DGKH: variants seen among roughly 807,000 people sequenced by gnomAD.
DGKH encodes diacylglycerol kinase eta, also known as DAG kinase eta.
Under a neutral mutation model 159.3 loss-of-function variants are expected in DGKH, and 90 were observed. That is an observed-to-expected ratio of 0.57 (90% CI 0.48 to 0.67). The LOEUF is 0.67. Ranked by LOEUF, DGKH falls within the 30% of genes least tolerant of loss-of-function variation. DGKH has a pLI of 0.00. For missense variants in DGKH, 1,181 were observed against 1,506.1 expected, an observed-to-expected ratio of 0.78 and a Z score of 3.57; for synonymous variants, 536 against 553.8, an observed-to-expected ratio of 0.97 and a Z score of 0.45.
At chr13:42,169,889 A>G (rs1171777146) in intron 11 of DGKH, among the ~76,000 whole-genome samples, 1 of 152,180 alleles carries the variant, frequency 6.6e-6, no homozygotes, top group Non-Finnish European at 1.5e-5. Flanking sequence ...TCCATCCTTT[A>G]AAATAATCTG....
Position 42,210,668 on chromosome 13 carries a change from C to T in DGKH, c.2917C>T (p.Arg973Ter), listed in dbSNP as rs754950448. ...QKCDSGKPVLRTHLYIHHAID... is the reference protein window; with the variant it reads ...QKCDSGKPVL ...GTGTGATTCTGGTAAACCAGTTCTC[C>T]GAACCCATTTGTACATCCATCACGC... The change falls in exon 24 of 30, where the codon CGA becomes TGA. Residue 973 changes from arginine to a stop codon, truncating the protein, a stop_gained. Coordinates refer to ENST00000337343, the MANE Select transcript of DGKH (RefSeq NM_178009.5). LOFTEE classifies it high-confidence loss of function. The T allele has an allele frequency of 7.4e-6, 12 of 1,611,980 alleles. No homozygotes were observed. Among genetic ancestry groups the T allele is most frequent in the Non-Finnish European group, 7.6e-6 (9 of 1,179,954 alleles).
intron 13 of DGKH, among the ~76,000 whole-genome samples, chr13:42,184,788 GC>G (rs1218875881): frequency 6.6e-6 from 1 of 151,818 alleles, no homozygotes; most frequent in African/African-American, 2.4e-5. Flanking sequence ...GATCACTTGA[GC>G]CCAGGAGTTC....
upstream of DGKH, among the ~76,000 whole-genome samples, chr13:42,047,645 T>C (rs919695000): frequency 3.3e-5 from 5 of 152,198 alleles, no homozygotes; most frequent in African/African-American, 1.2e-4. Flanking sequence ...AGTCCGCGGT[T>C]CCCAAGTGCC....
chr13:42,183,761 A>G (rs1332609684), intron 13 of DGKH, among the ~76,000 whole-genome samples: 1 of 152,244 alleles, frequency 6.6e-6, no homozygotes, highest in Non-Finnish European at 1.5e-5. Context: ...AGCTCTAACT[A>G]GCAATCATAG....
intron 1 of DGKH, among the ~76,000 whole-genome samples, chr13:42,088,967 T>G (rs1451163093): frequency 6.6e-6 from 1 of 152,212 alleles, no homozygotes; most frequent in Non-Finnish European, 1.5e-5. Context: ...CTAGAGTTGT[T>G]ATATTAATAT....
intron 1 of DGKH, among the ~76,000 whole-genome samples, chr13:42,115,413 C>A (rs986709504): frequency 1.3e-5 from 2 of 151,712 alleles, no homozygotes; most frequent in South Asian, 2.1e-4. Context: ...ATAGGAGAGA[C>A]CCAGGCATTA....
intron 17 of DGKH, among the ~76,000 whole-genome samples, chr13:42,198,206 T>C (rs913478690): frequency 1.3e-5 from 2 of 152,212 alleles, no homozygotes; most frequent in African/African-American, 4.8e-5. Context: ...ATTGGGATGG[T>C]AAATGAGAAA....
chr13:42,041,136 C>G (rs1320979385), intron 1 of DGKH, among the ~76,000 whole-genome samples: 1 of 152,170 alleles, frequency 6.6e-6, no homozygotes, highest in Non-Finnish European at 1.5e-5. Context: ...AGGCTCTCCC[C>G]GAGGAACCGC....
rs531925608 is a variant in DGKH, at chr13:42,153,339, G to A, written c.385-1952G>A. Reference sequence around the variant, plus strand: ...AGACATTTAATGTAAAGGCACTAAAGACAGTTAAAACCATTAGTCATCATG... The same window carrying A: ...AGACATTTAATGTAAAGGCACTAAAAACAGTTAAAACCATTAGTCATCATG... On this transcript the variant is annotated intron_variant, in intron 3 of 29. Transcript: ENST00000337343. 1.6e-4 allele frequency among the ~76,000 whole-genome samples: 24 copies of A among 152,244 alleles called. No homozygotes were observed. The South Asian group carries it at 5.0e-3, about 32-fold the overall frequency.
chr13:42,217,376 A>G lies in DGKH; in HGVS notation c.3213+1709A>G, dbSNP rs201623472. 2.6e-5 allele frequency among the ~76,000 whole-genome samples: 4 copies of G among 152,018 alleles called. No homozygotes were observed. In the East Asian group the frequency reaches 7.7e-4, roughly 29 times the overall value. Reference sequence around the variant, plus strand: ...CTGCCTCAGCTGCCAAGTAGCTGGGACTACAATCGCGCACCACCATGCCTG... The same window carrying G: ...CTGCCTCAGCTGCCAAGTAGCTGGGGCTACAATCGCGCACCACCATGCCTG... On this transcript the variant is annotated intron_variant, in intron 26 of 29. Transcript: ENST00000337343.
At chr13:42,129,481 G>GA (rs1955243504) in intron 2 of DGKH, 71 bp from the exon 3 acceptor site, 3 of 1,287,728 alleles carry the variant, frequency 2.3e-6, no homozygotes, top group South Asian at 1.4e-5. Context: ...TTCCTGTATT[G>GA]AAAAAATGTA....
intron 20 of DGKH, among the ~76,000 whole-genome samples, chr13:42,203,584 G>C: frequency 6.6e-6 from 1 of 152,192 alleles, no homozygotes; most frequent in East Asian, 1.9e-4. Context: ...CTGGTGAAAG[G>C]AGCAGAGAAA....
At chr13:42,151,297 C>T (rs1193348762) in intron 3 of DGKH, among the ~76,000 whole-genome samples, 1 of 151,716 alleles carries the variant, frequency 6.6e-6, no homozygotes, top group Non-Finnish European at 1.5e-5. Context: ...TTAGAGTCTC[C>T]AGTGTCCATT....
chr13:42,207,744 T>A (rs1250711809), intron 21 of DGKH, among the ~76,000 whole-genome samples: 2 of 143,974 alleles, frequency 1.4e-5, no homozygotes, highest in East Asian at 4.2e-4. Context: ...GTTATCACAG[T>A]CTTTATTTGA....
intron 1 of DGKH, among the ~76,000 whole-genome samples, chr13:42,063,735 T>A (rs1882352513): frequency 6.6e-6 from 1 of 151,656 alleles, no homozygotes; most frequent in Non-Finnish European, 1.5e-5. Flanking sequence ...AGGTCAGGAG[T>A]TCGAGACCAG....
chr13:42,209,993 A>ATT (rs34470988), intron 23 of DGKH, among the ~76,000 whole-genome samples: 200 of 132,760 alleles, frequency 1.5e-3, no homozygotes, highest in African/African-American at 5.4e-3. Flanking sequence ...GCAATCATTG[A>ATT]TTTTTTTTTT....
At chr13:42,249,569 C>A (rs981122504) in intron 29 of DGKH, among the ~76,000 whole-genome samples, 9 of 152,234 alleles carry the variant, frequency 5.9e-5, no homozygotes, top group Non-Finnish European at 8.8e-5. Flanking sequence ...CACGTGGTCT[C>A]TGTCAGGACT....
chr13:42,087,310 C>T (rs555027175), intron 1 of DGKH, among the ~76,000 whole-genome samples: 50 of 152,220 alleles, frequency 3.3e-4, no homozygotes, highest in Non-Finnish European at 4.9e-4. Flanking sequence ...TTAAGTGTAT[C>T]CCACTACAAA....
intron 11 of DGKH, among the ~76,000 whole-genome samples, chr13:42,169,415 C>G (rs1312852913): frequency 7.2e-5 from 11 of 152,136 alleles, no homozygotes; most frequent in Non-Finnish European, 1.5e-5. Flanking sequence ...ATTGCTTTCT[C>G]TCTGAATGTC....
Sources: gnomAD v4.1 joint callset for allele counts (sites outside exome capture counted in the v4.1 genomes callset) on GRCh38, gnomAD v4.1.1 for gene constraint, MANE v1.5 for transcripts, NCBI Gene and HGNC (gene_info 2026-07-23, HGNC 2026-07-21) for gene names.